ZNF160: variants seen among roughly 807,000 people sequenced by gnomAD.
ZNF160 encodes KRAB zinc finger protein KR18.
A neutral mutation model predicts 13.1 loss-of-function variants in ZNF160; 9 were observed. That is an observed-to-expected ratio of 0.69 (90% CI 0.41 to 1.20). The LOEUF is 1.20. ZNF160 is among the 50% of genes most tolerant of loss of function. The pLI, the probability that ZNF160 is intolerant of heterozygous loss-of-function variation, is 0.01. For synonymous variants in ZNF160, 293 were observed against 333.2 expected (o/e 0.88, Z 1.31); for missense variants, 838 against 988.0 (o/e 0.85, Z 2.04).
At chr19:53,075,243 AAGG>A (rs2084342967) in intron 3 of ZNF160, 60 bp from the exon 4 acceptor site, 1 of 1,593,968 alleles carries the variant, frequency 6.3e-7, no homozygotes, top group Admixed American at 1.8e-5. Context: ...TTTCACATAA[AAGG>A]AGAAGAGGAG....
chr19:53,071,937 G>T (rs1047658530), intron 5 of ZNF160, among the ~76,000 whole-genome samples: 1 of 151,978 alleles, frequency 6.6e-6, no homozygotes, highest in Non-Finnish European at 1.5e-5. Flanking sequence ...TAAGAAGCGG[G>T]AATTTTGAAC....
intron 1 of ZNF160, among the ~76,000 whole-genome samples, chr19:53,094,846 G>A (rs559262275): frequency 6.6e-6 from 1 of 152,148 alleles, no homozygotes; most frequent in African/African-American, 2.4e-5. Flanking sequence ...TCCTAGTGGA[G>A]AGAAAGGCTG....
chr19:53,067,272 G>A lies in ZNF160; in HGVS notation c.*805C>T, dbSNP rs549311797. 6.6e-6 allele frequency: 1 copy of A among 152,256 alleles called. No homozygotes were observed. Among genetic ancestry groups the A allele is most frequent in the South Asian group, 2.1e-4 (1 of 4,828 alleles). The allele number at this position is 152,256 out of a possible 1,614,324, so 9.4% of individuals were successfully genotyped here. On this transcript the variant is annotated 3_prime_UTR_variant, in exon 6 of 6. Transcript: ENST00000683776. ...AAGGTCTTGGCCTGCTCCATTTCAT[G>A]TTCAGTTGATAGACCATTTCTTTCC...
chr19:53,094,846 G>C (rs559262275), intron 1 of ZNF160, among the ~76,000 whole-genome samples: 1 of 152,148 alleles, frequency 6.6e-6, no homozygotes, highest in Non-Finnish European at 1.5e-5. Context: ...TCCTAGTGGA[G>C]AGAAAGGCTG....
At chr19:53,087,270 G>T (rs2084872461) in intron 2 of ZNF160, among the ~76,000 whole-genome samples, 1 of 152,226 alleles carries the variant, frequency 6.6e-6, no homozygotes, top group Admixed American at 6.5e-5. Flanking sequence ...GAGAGGTCCT[G>T]AGGGTGCAGA....
Position 53,068,327 on chromosome 19 carries a change from T to A in ZNF160, c.2207A>T (p.Asn736Ile). The A allele has an allele frequency of 6.2e-7, 1 of 1,614,158 alleles. No individual in the cohort carries two copies. The highest frequency in any genetic ancestry group is 8.5e-7 in the Non-Finnish European group (1 of 1,180,032). The change falls in exon 6 of 6, where the codon AAT becomes ATT. Residue 736 changes from asparagine (N) to isoleucine (I), a missense_variant. Physicochemically the swap from Asn to Ile is moderately radical, Grantham distance 149. Transcript: ENST00000683776. ...IHTGKKPYKC[N>I]ECGKVFTQNA... is the part of the protein sequence containing the mutation. ...TTGAGTAAAGACCTTGCCACATTCA[T>A]TACATTTGTAAGGTTTTTTCCCAGT...
At position 53,069,459 on chromosome 19, in the gene ZNF160, G is replaced by A; in HGVS notation, c.1075C>T (p.His359Tyr). ...TTTTCTCCAGTATGAATTAACTGATGGGTAGTTAGGTTTGAATGTCCTCTA... is the reference window on the plus strand; with the variant it reads ...TTTTCTCCAGTATGAATTAACTGATAGGTAGTTAGGTTTGAATGTCCTCTA... Reference protein sequence around the residue: ...AFRGHSNLTTHQLIHTGEKPF... With the variant: ...AFRGHSNLTTYQLIHTGEKPF... The change falls in exon 6 of 6, where the codon CAT becomes TAT. Residue 359 changes from histidine (H) to tyrosine (Y), a missense_variant. Physicochemically the swap from His to Tyr is moderately conservative, Grantham distance 83. Transcript: ENST00000683776. The surrounding 1 kb of genome is among the most constrained non-coding windows in gnomAD (Gnocchi z 4.4). 2 of 1,613,924 alleles carry A rather than the reference G, an allele frequency of 1.2e-6. No homozygotes were observed. Among genetic ancestry groups the A allele is most frequent in the Non-Finnish European group, 1.7e-6 (2 of 1,179,994 alleles).
At chr19:53,086,120 T>C (rs2084820043) in intron 3 of ZNF160, 142 bp downstream of exon 3, 2 of 1,317,172 alleles carry the variant, frequency 1.5e-6, no homozygotes, top group Non-Finnish European at 2.2e-6. Context: ...CTAAACGAGA[T>C]GAGAGGGACT....
Position 53,083,578 on chromosome 19 carries a change from C to T in ZNF160, c.15+2684G>A, listed in dbSNP as rs531424181. On this transcript the variant is annotated intron_variant, in intron 3 of 5. Transcript: ENST00000683776. ...TTTTTACAGTAGAATAATGTGTAAT[C>T]GAAAGGAAGACAACAGTGCGTATAT... Among the ~76,000 whole-genome samples, 49 of 152,214 alleles carry T rather than the reference C, an allele frequency of 3.2e-4. No individual in the cohort carries two copies. In the South Asian group the frequency reaches 8.5e-3, roughly 26 times the overall value.
At chr19:53,102,077 C>T (rs1227596199) in intron 1 of ZNF160, among the ~76,000 whole-genome samples, 1 of 152,068 alleles carries the variant, frequency 6.6e-6, no homozygotes, top group African/African-American at 2.4e-5. Context: ...AGGATTCTGA[C>T]GATGTTGTGC....
intron 1 of ZNF160, among the ~76,000 whole-genome samples, chr19:53,094,254 G>A (rs1301032600): frequency 6.6e-6 from 1 of 152,024 alleles, no homozygotes; most frequent in African/African-American, 2.4e-5. Context: ...CCTGGTCCAG[G>A]GTCCTTGAAA....
chr19:53,097,565 A>G (rs2085284323), intron 1 of ZNF160, among the ~76,000 whole-genome samples: 1 of 152,200 alleles, frequency 6.6e-6, no homozygotes, highest in Non-Finnish European at 1.5e-5. Context: ...TCACTGACCC[A>G]GGGCAACGTA....
chr19:53,068,471 T>C lies in ZNF160; in HGVS notation c.2063A>G (p.Gln688Arg). Residue 688 changes from glutamine (Q) to arginine (R), a missense_variant, in exon 6 of 6, where the codon CAG becomes CGG. Physicochemically the swap from Gln to Arg is conservative, Grantham distance 43. Transcript: ENST00000683776. ...KCNQCGKVFT[Q>R]NSHLANHQRT... is the part of the protein sequence containing the mutation. ...TTGATGATTTGCAAGGTGTGAGTTCTGAGTGAAGACCTTGCCACATTGATT... is the reference window on the plus strand; with the variant it reads ...TTGATGATTTGCAAGGTGTGAGTTCCGAGTGAAGACCTTGCCACATTGATT... 2 of 1,613,828 alleles carry C rather than the reference T, an allele frequency of 1.2e-6. No individual in the cohort carries two copies. The highest frequency in any genetic ancestry group is 1.1e-5 in the South Asian group (1 of 91,036).
chr19:53,099,466 G>A (rs2085365851), intron 1 of ZNF160, among the ~76,000 whole-genome samples: 1 of 152,218 alleles, frequency 6.6e-6, no homozygotes, highest in South Asian at 2.1e-4. Flanking sequence ...ACAGTGAGGA[G>A]TTGGGCTTTT....
intron 4 of ZNF160, 80 bp from the exon 5 acceptor site, chr19:53,074,348 T>C: frequency 6.5e-7 from 1 of 1,549,054 alleles, no homozygotes; most frequent in Admixed American, 2.0e-5. Flanking sequence ...GAGGACATTA[T>C]ATGTGGATCT....
At chr19:53,083,872 C>T (rs1206601067) in intron 3 of ZNF160, among the ~76,000 whole-genome samples, 2 of 152,212 alleles carry the variant, frequency 1.3e-5, no homozygotes, top group African/African-American at 4.8e-5. Flanking sequence ...GTACTGTAAC[C>T]AAGTACGCTC....
intron 1 of ZNF160, among the ~76,000 whole-genome samples, chr19:53,093,182 C>A (rs964636204): frequency 6.6e-5 from 10 of 152,146 alleles, no homozygotes; most frequent in African/African-American, 2.4e-4. Context: ...TGCCTGTAAT[C>A]CCAGCACTTC....
In ZNF160 at chr19:53,088,435, G is replaced by A. The variant is rs752227807; in HGVS notation, c.-45-2114C>T. 4.3e-5 allele frequency among the ~76,000 whole-genome samples: 6 copies of A among 140,756 alleles called. No homozygotes were observed. In the East Asian group the frequency reaches 1.0e-3, roughly 24 times the overall value. 92.3% of individuals were successfully genotyped at this position (140,756 alleles called of 152,430 possible). Reference sequence around the variant, plus strand: ...CGCTTGTAATCCCAGTACTTTGGGAGGTTGAGGTGGAAAGACTACTTGAGC... The same window carrying A: ...CGCTTGTAATCCCAGTACTTTGGGAAGTTGAGGTGGAAAGACTACTTGAGC... On this transcript the variant is annotated intron_variant, in intron 2 of 5. Transcript: ENST00000683776.
In ZNF160 at chr19:53,094,892, G is replaced by A. The variant is rs531322745; in HGVS notation, c.-353-3172C>T. Among the ~76,000 whole-genome samples, 541 of 152,224 alleles carry A rather than the reference G, an allele frequency of 3.6e-3. 3 individuals are homozygous for A. Among genetic ancestry groups the A allele is most frequent in the African/African-American group, 0.013 (519 of 41,520 alleles). ...AAATGACCTGGGGCCAAGAGGAGTA[G>A]AGAGCCCAGGCCCGCTCCTTTCCCG... On this transcript the variant is annotated intron_variant, in intron 1 of 5. Transcript: ENST00000683776.
Sources: gnomAD v4.1 joint callset for allele counts (sites outside exome capture counted in the v4.1 genomes callset) on GRCh38, gnomAD v4.1.1 for gene constraint, Gnocchi (gnomAD v3.1) non-coding constraint, MANE v1.5 for transcripts, NCBI Gene and HGNC (gene_info 2026-07-23, HGNC 2026-07-21) for gene names.